ELP1: variants seen among roughly 807,000 people sequenced by gnomAD.
The protein encoded by ELP1 is elongator complex protein 1.
Under a neutral mutation model 183.2 loss-of-function variants are expected in ELP1, and 131 were observed. The observed-to-expected ratio is 0.72, with a 90% confidence interval of 0.62 to 0.83. The LOEUF (loss-of-function observed/expected upper bound fraction) is 0.83. Ranked by LOEUF, ELP1 falls within the 40% of genes least tolerant of loss-of-function variation. The probability of loss-of-function intolerance (pLI) is 0.00; values close to 1 mark genes in which losing one functional copy is unlikely to be tolerated. For missense variants in ELP1, 1,550 were observed against 1,594.9 expected (o/e 0.97, Z 0.48); for synonymous variants, 555 against 569.0 (o/e 0.98, Z 0.35).
chr9:108,919,012 T>TA, intron 7 of ELP1, 111 bp from the exon 8 acceptor site: 1 of 871,584 alleles, frequency 1.1e-6, no homozygotes, highest in Non-Finnish European at 1.9e-6. Context: ...GCCATGGTTT[T>TA]ACATAGCCAA....
At chr9:108,889,463 A>T in intron 28 of ELP1, 70 bp from the exon 29 acceptor site, 1 of 1,340,526 alleles carries the variant, frequency 7.5e-7, no homozygotes, top group Non-Finnish European at 1.1e-6. Flanking sequence ...CTTCTTTAAT[A>T]TGTCTTTATT....
At position 108,869,014 on chromosome 9, in the gene ELP1, T is replaced by G; in HGVS notation, c.*101A>C. ...TAAGGTAAGTTATCATTTTACTCTTTCCAGTTCTCAATAGCCAGCCCTCAA... is the reference window on the plus strand; with the variant it reads ...TAAGGTAAGTTATCATTTTACTCTTGCCAGTTCTCAATAGCCAGCCCTCAA... On this transcript the variant is annotated 3_prime_UTR_variant, in exon 37 of 37. Coordinates refer to ENST00000374647, the MANE Select transcript of ELP1 (RefSeq NM_003640.5). 1.0e-6 allele frequency: 1 copy of G among 970,928 alleles called. No homozygotes were observed. The highest frequency in any genetic ancestry group is 1.3e-5 in the South Asian group (1 of 77,968). 60.1% of individuals were successfully genotyped at this position (970,928 alleles called of 1,614,324 possible). A position where few individuals can be genotyped will look rare whatever the true frequency, so the allele number is the denominator to read the frequency against.
At chr9:108,898,634 A>G (rs759720990) in intron 21 of ELP1, 37 bp downstream of exon 21, 2 of 1,599,452 alleles carry the variant, frequency 1.3e-6, no homozygotes, top group African/African-American at 1.3e-5. Flanking sequence ...GTTTAAGTAC[A>G]AAGTAAGCTA....
intron 36 of ELP1, among the ~76,000 whole-genome samples, chr9:108,869,790 T>C (rs1827370672): frequency 6.6e-6 from 1 of 152,202 alleles, no homozygotes. Flanking sequence ...AGGAATCATA[T>C]ACTGCAAGCA....
At chr9:108,895,083 C>CA (rs1010994256) in intron 25 of ELP1, among the ~76,000 whole-genome samples, 2 of 151,970 alleles carry the variant, frequency 1.3e-5, no homozygotes, top group Non-Finnish European at 2.9e-5. Context: ...CCCGTCTCAA[C>CA]AAAAAAAATT....
intron 29 of ELP1, among the ~76,000 whole-genome samples, chr9:108,886,992 T>C (rs1828149425): frequency 1.3e-5 from 2 of 151,646 alleles, no homozygotes; most frequent in South Asian, 4.2e-4. Flanking sequence ...GCGAATTGCT[T>C]GAATCCAACA....
chr9:108,901,803 A>AAGAT lies in ELP1; in HGVS notation c.1855-126_1855-123dup. On this transcript the variant is annotated intron_variant, in intron 16 of 36. Transcript: ENST00000374647. ...ACCTAAGTTCCTGTAATCAGGACTA[A>AAGAT]AGATAGATACCTAAGACGTGGCTGG... 3.2e-6 allele frequency: 3 copies of AAGAT among 931,528 alleles called. No homozygotes were observed. The South Asian group carries it at 4.1e-5, about 13-fold the overall frequency. 57.7% of individuals were successfully genotyped at this position (931,528 alleles called of 1,614,324 possible). A position where few individuals can be genotyped will look rare whatever the true frequency, so the allele number is the denominator to read the frequency against.
intron 14 of ELP1, among the ~76,000 whole-genome samples, 172 bp downstream of exon 14, chr9:108,906,131 G>C (rs1381569074): frequency 6.6e-6 from 1 of 152,088 alleles, no homozygotes; most frequent in East Asian, 1.9e-4. Context: ...TTTTTGGTCT[G>C]TTATTTTGAC....
rs566731717 is a variant in ELP1 at position 108,873,758 on chromosome 9, C to T, written c.3931+1137G>A. Among the ~76,000 whole-genome samples, 25 of 152,202 alleles carry T rather than the reference C, an allele frequency of 1.6e-4. No homozygotes were observed. In the South Asian group the frequency reaches 5.0e-3, roughly 30 times the overall value. The stretch of plus-strand genomic sequence containing the variant: ...TAAGTGGGCTGGGCACAGGGGCAGA[C>T]GCCTGTAATCCCAGCACTTTGGGAG... On this transcript the variant is annotated intron_variant, in intron 36 of 36. Transcript: ENST00000374647.
intron 20 of ELP1, among the ~76,000 whole-genome samples, chr9:108,899,193 G>A (rs1042278636): frequency 5.3e-5 from 8 of 151,830 alleles, no homozygotes; most frequent in Non-Finnish European, 2.9e-5. Flanking sequence ...CTAGCTATGC[G>A]GGAGGCTGAA....
At chr9:108,922,743 T>C in intron 6 of ELP1, 99 bp downstream of exon 6, 2 of 847,976 alleles carry the variant, frequency 2.4e-6, no homozygotes, top group East Asian at 2.4e-5. Context: ...AAGAGAACTG[T>C]TCATTACTGG....
At chr9:108,919,102 T>G in intron 7 of ELP1, 151 bp downstream of exon 7, 1 of 746,548 alleles carries the variant, frequency 1.3e-6, no homozygotes, top group East Asian at 2.7e-5. Context: ...TTCTAATTCT[T>G]AACTCTAACC....
Position 108,915,233 on chromosome 9 carries a change from G to A in ELP1, c.958+971C>T, listed in dbSNP as rs539050728. Among the ~76,000 whole-genome samples, 29 of 152,280 alleles carry A rather than the reference G, an allele frequency of 1.9e-4. No homozygotes were observed. In the East Asian group the frequency reaches 1.9e-3, roughly 10 times the overall value. On this transcript the variant is annotated intron_variant, in intron 10 of 36. Transcript: ENST00000374647. ...TAATACCATGCACTAGGGAAAGCAC[G>A]TGATGACTTACAACAGTTAATTTTA...
At chr9:108,912,548 C>G in intron 10 of ELP1, 54 bp from the exon 11 acceptor site, 2 of 1,325,264 alleles carry the variant, frequency 1.5e-6, no homozygotes, top group Non-Finnish European at 2.2e-6. Flanking sequence ...AGACTTCATC[C>G]CACTTGCCAG....
At chr9:108,910,189 A>G (rs1411796383) in intron 12 of ELP1, among the ~76,000 whole-genome samples, 1 of 152,206 alleles carries the variant, frequency 6.6e-6, no homozygotes, top group Non-Finnish European at 1.5e-5. Context: ...GAAAAGTTTA[A>G]GGAGGACTGT....
At chr9:108,878,483 A>G (rs1316468049) in intron 34 of ELP1, 140 bp downstream of exon 34, 1 of 1,121,510 alleles carries the variant, frequency 8.9e-7, no homozygotes, top group Non-Finnish European at 1.3e-6. Flanking sequence ...GTGTGCAGAC[A>G]TGACCCTTCC....
chr9:108,875,591 A>G (rs1447636041), intron 35 of ELP1: 2 of 304,876 alleles, frequency 6.6e-6, no homozygotes, highest in Non-Finnish European at 1.3e-5. Flanking sequence ...CAATCATAAA[A>G]TTGATGTCTT....
intron 29 of ELP1, among the ~76,000 whole-genome samples, chr9:108,889,123 G>C (rs1036811479): frequency 2.0e-5 from 3 of 152,166 alleles, no homozygotes; most frequent in Admixed American, 6.5e-5. Flanking sequence ...TGTTAAAGTA[G>C]AGCACCTTCA....
chr9:108,893,147 A>T (rs1027470270), intron 26 of ELP1, 64 bp from the exon 27 acceptor site: 2 of 1,095,526 alleles, frequency 1.8e-6, no homozygotes, highest in African/African-American at 3.1e-5. Context: ...GACTTCATTT[A>T]TACCAATGGT....
Sources: gnomAD v4.1 joint callset for allele counts (sites outside exome capture counted in the v4.1 genomes callset) on GRCh38, gnomAD v4.1.1 for gene constraint, MANE v1.5 for transcripts, NCBI Gene and HGNC (gene_info 2026-07-23, HGNC 2026-07-21) for gene names.